ANO1: variants seen among roughly 807,000 people sequenced by gnomAD.
ANO1 encodes the protein anoctamin 1.
A neutral mutation model predicts 124.0 loss-of-function variants in ANO1; 59 were observed. That is an observed-to-expected ratio of 0.48 (90% CI 0.39 to 0.59). ANO1 has a LOEUF of 0.59. Among genes scored for constraint, ANO1 ranks in the 20% least tolerant of loss-of-function variants. The probability of loss-of-function intolerance (pLI) is 0.00; values close to 1 mark genes in which losing one functional copy is unlikely to be tolerated. For missense variants in ANO1, 1,059 were observed against 1,328.0 expected (o/e 0.80, Z 3.15); for synonymous variants, 529 against 532.0 (o/e 0.99, Z 0.08).
At chr11:70,120,098 G>A (rs975704256) in intron 8 of ANO1, among the ~76,000 whole-genome samples, 2 of 152,100 alleles carry the variant, frequency 1.3e-5, no homozygotes, top group African/African-American at 4.8e-5. Context: ...GGAGCCCCAC[G>A]TGCCTGACCC....
At chr11:70,069,300 TAAGGTTGGAGGA>T (rs1163399765) in intron 1 of ANO1, among the ~76,000 whole-genome samples, 8 of 152,152 alleles carry the variant, frequency 5.3e-5, no homozygotes, top group Non-Finnish European at 4.4e-5. Context: ...AGAGTCCCTC[TAAGGTTGGAGGA>T]AAGACTTCTC....
intron 8 of ANO1, among the ~76,000 whole-genome samples, chr11:70,123,270 C>A (rs1281740851): frequency 1.3e-5 from 2 of 152,182 alleles, no homozygotes; most frequent in African/African-American, 2.4e-5. Flanking sequence ...GCAGGCGGCC[C>A]CTCTATGGAT....
intron 22 of ANO1, among the ~76,000 whole-genome samples, chr11:70,179,695 T>A (rs1479020932): frequency 2.0e-5 from 3 of 152,238 alleles, no homozygotes; most frequent in Admixed American, 1.3e-4. Flanking sequence ...AAAAAAGGTT[T>A]CATCTAAGCG....
intron 1 of ANO1, among the ~76,000 whole-genome samples, chr11:70,054,017 C>G (rs1228096229): frequency 6.6e-6 from 1 of 152,170 alleles, no homozygotes; most frequent in Non-Finnish European, 1.5e-5. Flanking sequence ...TAGAAACTGT[C>G]GTAATGTCTG....
At chr11:70,126,002 G>A in intron 9 of ANO1, 59 bp from the exon 10 acceptor site, 1 of 1,528,870 alleles carries the variant, frequency 6.5e-7, no homozygotes, top group Non-Finnish European at 8.8e-7. Flanking sequence ...CCTGTGACAT[G>A]TTTCCCTGCT....
chr11:70,116,713 T>C (rs936664099), intron 8 of ANO1: 1 of 544,532 alleles, frequency 1.8e-6, no homozygotes, highest in Admixed American at 3.3e-5. Flanking sequence ...TCTTTCTGAT[T>C]GTCAAAAATG....
Position 70,144,247 on chromosome 11 carries a change from C to T in ANO1, c.1259-5463C>T, listed in dbSNP as rs546317160. 1.3e-3 allele frequency among the ~76,000 whole-genome samples: 200 copies of T among 152,326 alleles called. 1 individual carries two copies. The highest frequency in any genetic ancestry group is 3.1e-3 in the South Asian group (15 of 4,828). ...TCAAGGGGACACGTGGAGATCCCTGCGACCGAGCTGGGCCGTAAGAGCAGT... is the reference window on the plus strand; with the variant it reads ...TCAAGGGGACACGTGGAGATCCCTGTGACCGAGCTGGGCCGTAAGAGCAGT... On this transcript the variant is annotated intron_variant, in intron 11 of 25. Coordinates refer to ENST00000355303, the MANE Select transcript of ANO1 (RefSeq NM_018043.7).
At chr11:70,092,043 C>T (rs1030719318) in intron 2 of ANO1, among the ~76,000 whole-genome samples, 5 of 152,192 alleles carry the variant, frequency 3.3e-5, no homozygotes, top group South Asian at 2.1e-4. Context: ...CCAGCAGGGC[C>T]GCGCTCCCTC....
chr11:70,078,698 T>A lies in ANO1; in HGVS notation c.92T>A (p.Leu31Gln). The change falls in exon 1 of 26, where the codon CTG becomes CAG. Residue 31 changes from leucine to glutamine, a missense_variant. Leu to Gln is a moderately radical substitution (Grantham distance 113). This residue lies in a region of ANO1 where 250 missense variants were observed against 233.1 expected (regional missense o/e 1.07). Transcript: ENST00000355303. ...NICAIEDIGY[L>Q]PSEGTLLNSL... ...TGCGCCATCGAGGACATCGGCTACC[T>A]GCCGTCCGAGGGCACGGTGAGTGCG... 1 of 1,485,004 alleles carries A rather than the reference T, an allele frequency of 6.7e-7. No individual in the cohort carries two copies. Among genetic ancestry groups the A allele is most frequent in the Non-Finnish European group, 9.0e-7 (1 of 1,105,924 alleles). 92.0% of individuals were successfully genotyped at this position (1,485,004 alleles called of 1,614,324 possible).
At chr11:70,014,600 T>A (rs949367856) in intron 1 of ANO1, among the ~76,000 whole-genome samples, 1 of 152,060 alleles carries the variant, frequency 6.6e-6, no homozygotes, top group Admixed American at 6.6e-5. Context: ...TGCTGCTCTA[T>A]CTGGTGGTCT....
chr11:70,111,802 G>T, intron 7 of ANO1, 40 bp downstream of exon 7: 3 of 1,608,882 alleles, frequency 1.9e-6, no homozygotes, highest in Non-Finnish European at 2.6e-6. Flanking sequence ...TGCGTCATTT[G>T]ACTCCCCAAA....
At chr11:70,015,728 G>A (rs1856691813) in intron 1 of ANO1, 1 of 152,348 alleles carries the variant, frequency 6.6e-6, no homozygotes, top group Non-Finnish European at 1.5e-5. Flanking sequence ...CTCATCACTG[G>A]GAAAGATGGG....
intron 1 of ANO1, among the ~76,000 whole-genome samples, chr11:69,987,514 G>A (rs1554996993): frequency 1.3e-5 from 2 of 151,204 alleles, no homozygotes; most frequent in Admixed American, 6.6e-5. Context: ...GGCTACCTGA[G>A]GGGCTGAGGC....
At chr11:69,998,353 C>T (rs1856314583) in intron 1 of ANO1, among the ~76,000 whole-genome samples, 1 of 148,750 alleles carries the variant, frequency 6.7e-6, no homozygotes, top group African/African-American at 2.5e-5. Flanking sequence ...TGGCATAATT[C>T]TGCCTATTCT....
intron 1 of ANO1, among the ~76,000 whole-genome samples, chr11:70,062,210 G>A (rs955017462): frequency 7.3e-5 from 11 of 151,166 alleles, no homozygotes; most frequent in Non-Finnish European, 1.3e-4. Flanking sequence ...CCAAGTAGCT[G>A]GAATTACAGA....
At position 70,062,071 on chromosome 11, in the gene ANO1, T is replaced by C. The variant is rs1264644214; in HGVS notation, c.59-16471T>C. 3.7e-5 allele frequency among the ~76,000 whole-genome samples: 5 copies of C among 135,912 alleles called. No homozygotes were observed. In the East Asian group the frequency reaches 6.3e-4, roughly 17 times the overall value. The allele number at this position is 135,912 out of a possible 152,430, so 89.2% of individuals were successfully genotyped here. ...TTTTTTTCTCTTTCCTTCTTTCTTTTTTTTTTTTTTTTTTTTTTTTTTGAG... is the reference window on the plus strand; with the variant it reads ...TTTTTTTCTCTTTCCTTCTTTCTTTCTTTTTTTTTTTTTTTTTTTTTTGAG... On this transcript the variant is annotated intron_variant, in intron 1 of 27. Transcript: ENST00000531349.
the ANO1 span, among the ~76,000 whole-genome samples, chr11:69,974,905 A>AAAG: frequency 5.3e-5 from 7 of 131,300 alleles, no homozygotes; most frequent in Admixed American, 7.7e-5. Flanking sequence ...AAAAAAAAAA[A>AAAG]AAGAAGAGAT....
intron 2 of ANO1, among the ~76,000 whole-genome samples, chr11:70,100,190 C>T (rs2045207131): frequency 6.6e-6 from 1 of 152,324 alleles, no homozygotes; most frequent in Admixed American, 6.5e-5. Flanking sequence ...GGACAGGCCC[C>T]TGCACAAAGC....
chr11:70,096,887 A>G (rs1053374292), intron 2 of ANO1, among the ~76,000 whole-genome samples: 1 of 151,886 alleles, frequency 6.6e-6, no homozygotes, highest in African/African-American at 2.4e-5. Context: ...AATAATAATA[A>G]TCAAGGGGTG....
Sources: gnomAD v4.1 joint callset for allele counts (sites outside exome capture counted in the v4.1 genomes callset) on GRCh38, gnomAD v4.1.1 for gene constraint, gnomAD v4.1.1 regional missense constraint, MANE v1.5 for transcripts, NCBI Gene and HGNC (gene_info 2026-07-23, HGNC 2026-07-21) for gene names.